The following PKIA variants were observed in gnomAD, a reference collection of about 807,000 sequenced individuals.
The protein encoded by PKIA is cAMP-dependent protein kinase inhibitor alpha, also known as PKI-alpha.
A neutral mutation model predicts 7.6 loss-of-function variants in PKIA; 4 were observed. The observed-to-expected ratio is 0.52, with a 90% CI of 0.26 to 1.20. The LOEUF is 1.20. PKIA is among the 50% of genes most tolerant of loss of function. The pLI is 0.13. For missense variants in PKIA, 73 were observed against 86.2 expected (o/e 0.85, Z 0.61); for synonymous variants, 21 against 30.7 (o/e 0.68, Z 1.04).
chr8:78,540,857 C>A (rs57260734), intron 1 of PKIA, among the ~76,000 whole-genome samples: 6,487 of 151,816 alleles, frequency 0.043, 414 homozygotes, highest in African/African-American at 0.14. Context: ...GTTTTCTTCC[C>A]AAAGGAGGCC....
chr8:78,523,912 ATATATT>A (rs1809465733), intron 1 of PKIA, among the ~76,000 whole-genome samples: 1 of 141,954 alleles, frequency 7.0e-6, no homozygotes, highest in African/African-American at 2.6e-5. Context: ...ATTTATACAT[ATATATT>A]TATATATATA....
At chr8:78,601,349 G>A (rs766000264) in intron 3 of PKIA, among the ~76,000 whole-genome samples, 1 of 152,004 alleles carries the variant, frequency 6.6e-6, no homozygotes, top group Non-Finnish European at 1.5e-5. Context: ...AGACAATCAG[G>A]CATAAAAAGG....
At chr8:78,576,110 A>T (rs188670115) in intron 2 of PKIA, among the ~76,000 whole-genome samples, 1 of 152,084 alleles carries the variant, frequency 6.6e-6, no homozygotes, top group African/African-American at 2.4e-5. Flanking sequence ...AACCTAAATG[A>T]CTTCTTTAAA....
intron 1 of PKIA, among the ~76,000 whole-genome samples, chr8:78,530,706 TAC>T (rs923265348): frequency 6.6e-6 from 1 of 152,066 alleles, no homozygotes; most frequent in Non-Finnish European, 1.5e-5. Flanking sequence ...CATTTGATTA[TAC>T]ACACACACAT....
intron 1 of PKIA, among the ~76,000 whole-genome samples, chr8:78,530,598 C>T (rs898516867): frequency 2.6e-5 from 4 of 151,938 alleles, no homozygotes; most frequent in Non-Finnish European, 5.9e-5. Context: ...TAAAGAGTTG[C>T]ATTGCTTAAA....
intron 3 of PKIA, among the ~76,000 whole-genome samples, chr8:78,600,236 G>GA (rs1282642164): frequency 4.9e-4 from 74 of 151,938 alleles, no homozygotes; most frequent in Middle Eastern, 6.8e-3. Flanking sequence ...ATCTAAAATA[G>GA]AAAAAATGGC....
chr8:78,549,969 A>C (rs1806943009), intron 1 of PKIA, among the ~76,000 whole-genome samples: 1 of 152,162 alleles, frequency 6.6e-6, no homozygotes, highest in African/African-American at 2.4e-5. Context: ...TTTAGTCAGC[A>C]ATTACAATGA....
At chr8:78,539,454 A>G (rs1056709881) in intron 1 of PKIA, among the ~76,000 whole-genome samples, 1 of 152,088 alleles carries the variant, frequency 6.6e-6, no homozygotes, top group Non-Finnish European at 1.5e-5. Flanking sequence ...GGAATTGATA[A>G]GTATATTTTC....
intron 1 of PKIA, among the ~76,000 whole-genome samples, chr8:78,568,373 C>T (rs1453851708): frequency 6.6e-6 from 1 of 152,088 alleles, no homozygotes; most frequent in Admixed American, 6.6e-5. Flanking sequence ...ATTTGTCTAG[C>T]AGAATAATTC....
chr8:78,553,070 A>G (rs1008993013), intron 1 of PKIA, among the ~76,000 whole-genome samples: 4 of 150,040 alleles, frequency 2.7e-5, no homozygotes, highest in African/African-American at 9.8e-5. Context: ...CACATAACGT[A>G]TCTAATTCCC....
intron 2 of PKIA, among the ~76,000 whole-genome samples, chr8:78,588,395 A>G (rs368601871): frequency 4.0e-3 from 603 of 152,246 alleles, no homozygotes; most frequent in African/African-American, 0.014. Flanking sequence ...CAGGAGCATC[A>G]CTTCGACCCA....
At position 78,525,361 on chromosome 8, in the gene PKIA, A is replaced by C. The variant is rs1040624840; in HGVS notation, c.-157+8893A>C. Among the ~76,000 whole-genome samples the C allele has an allele frequency of 8.5e-5, 13 of 152,086 alleles. No individual in the cohort carries two copies. In the South Asian group the frequency reaches 1.7e-3, roughly 19 times the overall value. On this transcript the variant is annotated intron_variant, in intron 1 of 3. Transcript: ENST00000396418. ...AAAGTACAGTTACTGTCAATTGAAA[A>C]TGTTTTCAACCTGCATATAGGTGTG...
intron 1 of PKIA, among the ~76,000 whole-genome samples, chr8:78,564,298 A>T (rs752258926): frequency 2.0e-5 from 3 of 152,028 alleles, no homozygotes; most frequent in Non-Finnish European, 4.4e-5. Flanking sequence ...AATTTATTGG[A>T]ATACAGATGT....
At chr8:78,581,356 A>C (rs1049255064) in intron 2 of PKIA, among the ~76,000 whole-genome samples, 3 of 152,148 alleles carry the variant, frequency 2.0e-5, no homozygotes, top group African/African-American at 7.2e-5. Flanking sequence ...AATTGAATAC[A>C]TTATGTTTGG....
At chr8:78,528,129 G>A (rs573272896) in intron 1 of PKIA, among the ~76,000 whole-genome samples, 5 of 152,052 alleles carry the variant, frequency 3.3e-5, no homozygotes, top group Admixed American at 1.3e-4. Flanking sequence ...GAGAACTGCA[G>A]TTAAATAGCC....
At chr8:78,585,922 C>T (rs1272803600) in intron 2 of PKIA, among the ~76,000 whole-genome samples, 1 of 152,136 alleles carries the variant, frequency 6.6e-6, no homozygotes, top group Non-Finnish European at 1.5e-5. Context: ...CGTTGCTGTT[C>T]CTTTTGCCTT....
intron 1 of PKIA, among the ~76,000 whole-genome samples, chr8:78,554,104 C>T (rs890029177): frequency 3.3e-5 from 5 of 151,918 alleles, no homozygotes; most frequent in African/African-American, 7.2e-5. Flanking sequence ...AGGAGCAAGT[C>T]GTAGATCACA....
chr8:78,529,744 A>AT (rs1188063130), intron 1 of PKIA, among the ~76,000 whole-genome samples: 2 of 151,764 alleles, frequency 1.3e-5, no homozygotes, highest in South Asian at 2.1e-4. Flanking sequence ...ATAACATATA[A>AT]TTTTTTTTGT....
intron 1 of PKIA, among the ~76,000 whole-genome samples, chr8:78,543,430 T>C (rs988926404): frequency 6.6e-6 from 1 of 152,208 alleles, no homozygotes; most frequent in African/African-American, 2.4e-5. Flanking sequence ...AACTAAAGTT[T>C]CAGGGACTCC....
Sources: allele counts gnomAD v4.1 joint callset (sites outside exome capture counted in the v4.1 genomes callset), GRCh38; gene constraint gnomAD v4.1.1; transcripts MANE v1.5; gene names NCBI Gene and HGNC (gene_info 2026-07-23, HGNC 2026-07-21).